The following CABCOCO1 variants were observed in gnomAD, a reference collection of about 807,000 sequenced individuals.
CABCOCO1 encodes ciliary-associated calcium-binding coiled-coil protein 1.
Under a neutral mutation model 35.7 loss-of-function variants are expected in CABCOCO1, and 28 were observed. The observed-to-expected ratio is 0.78, with a 90% confidence interval of 0.58 to 1.07. The LOEUF (loss-of-function observed/expected upper bound fraction) is 1.07, where lower values mean the gene tolerates loss of function less well. CABCOCO1 is among the 50% of genes least tolerant of loss of function. The pLI is 0.00. For missense variants in CABCOCO1, 326 were observed against 309.2 expected, an observed-to-expected ratio of 1.05 and a Z score of -0.41; for synonymous variants, 95 against 100.1, an observed-to-expected ratio of 0.95 and a Z score of 0.30.
intron 5 of CABCOCO1, among the ~76,000 whole-genome samples, chr10:61,750,876 C>T (rs925031060): frequency 4.6e-5 from 7 of 152,170 alleles, no homozygotes; most frequent in African/African-American, 1.4e-4. Flanking sequence ...TGTATAAAGG[C>T]CTGAGCTAGG....
rs1841995043 is a variant in CABCOCO1 at position 61,760,882 on chromosome 10, G to T, written c.695G>T (p.Gly232Val). Residue 232 changes from glycine (G) to valine (V), a missense_variant, in exon 7 of 8, where the codon GGC becomes GTC. By Grantham distance (109) the Gly-to-Val change is moderately radical. Coordinates refer to ENST00000648843, the MANE Select transcript of CABCOCO1 (RefSeq NM_001366906.2). ...TEMKRLDQEQ[G>V]PEESQPETDT... ...TTCTAGAGGTTGGATCAAGAACAAG[G>T]CCCTGAGGAGTCTCAGCCAGAAACT... 3.1e-6 allele frequency: 5 copies of T among 1,612,326 alleles called. No individual in the cohort carries two copies. The Admixed American group carries it at 6.7e-5, about 22-fold the overall frequency.
At chr10:61,691,145 C>A (rs1362509928) in intron 5 of CABCOCO1, among the ~76,000 whole-genome samples, 4 of 152,132 alleles carry the variant, frequency 2.6e-5, no homozygotes, top group Admixed American at 6.6e-5. Context: ...GCCAAATGAT[C>A]TCTTATTGCT....
chr10:61,739,906 C>T (rs61850507), intron 5 of CABCOCO1, among the ~76,000 whole-genome samples: 9,198 of 152,154 alleles, frequency 0.06, 623 homozygotes, highest in African/African-American at 0.17. Context: ...CGCACCACTG[C>T]GCTCCAGCCT....
intron 7 of CABCOCO1, among the ~76,000 whole-genome samples, chr10:61,764,299 C>A (rs1165008953): frequency 6.6e-6 from 1 of 152,034 alleles, no homozygotes; most frequent in Non-Finnish European, 1.5e-5. Context: ...CCATTTTAAT[C>A]CCTATGTGGT....
chr10:61,684,854 A>T (rs549984521), intron 3 of CABCOCO1: 8 of 152,368 alleles, frequency 5.3e-5, no homozygotes, highest in East Asian at 1.9e-4. Flanking sequence ...TTTATCTGTC[A>T]CAAGTAACAC....
chr10:61,730,152 T>C lies in CABCOCO1; in HGVS notation c.553-29907T>C, dbSNP rs540336723. On this transcript the variant is annotated intron_variant, in intron 5 of 7. Transcript: ENST00000648843. ...CTCTTAGCACCCAGCTCTTGGTTTC[T>C]AAATACCATTGTCCAATAAAAAAAA... Among the ~76,000 whole-genome samples, 10 of 135,038 alleles carry C rather than the reference T, an allele frequency of 7.4e-5. No homozygotes were observed. The East Asian group carries it at 1.8e-3, about 24-fold the overall frequency. 88.6% of individuals were successfully genotyped at this position (135,038 alleles called of 152,430 possible).
intron 4 of CABCOCO1, among the ~76,000 whole-genome samples, chr10:61,686,872 C>A (rs1839982104): frequency 6.6e-6 from 1 of 152,178 alleles, no homozygotes; most frequent in South Asian, 2.1e-4. Flanking sequence ...AGTCATGCAT[C>A]TCTCTAAAGG....
chr10:61,766,708 A>G lies in CABCOCO1; in HGVS notation c.*695A>G, dbSNP rs1394764382. On this transcript the variant is annotated 3_prime_UTR_variant, in exon 8 of 8. Transcript: ENST00000648843. ...AATGTATAAATGGTTATTAAAGACC[A>G]ACCTATATATAGATTGTAAAAATCT... The G allele has an allele frequency of 1.3e-5, 2 of 152,212 alleles. No individual in the cohort carries two copies. Among genetic ancestry groups the G allele is most frequent in the Non-Finnish European group, 2.9e-5 (2 of 68,036 alleles). 9.4% of individuals were successfully genotyped at this position (152,212 alleles called of 1,614,324 possible).
At chr10:61,749,277 C>T (rs926038614) in intron 5 of CABCOCO1, among the ~76,000 whole-genome samples, 1 of 152,146 alleles carries the variant, frequency 6.6e-6, no homozygotes, top group Non-Finnish European at 1.5e-5. Context: ...ATCCTCATTC[C>T]TCTATGTATT....
chr10:61,730,780 C>T (rs1341287204), intron 5 of CABCOCO1, among the ~76,000 whole-genome samples: 1 of 151,960 alleles, frequency 6.6e-6, no homozygotes, highest in Non-Finnish European at 1.5e-5. Flanking sequence ...ATTGTTTCCT[C>T]CTCATATACT....
rs1020392411 is a variant in CABCOCO1, at chr10:61,673,716, G to A, written c.164+981G>A. Among the ~76,000 whole-genome samples, 8 of 152,272 alleles carry A rather than the reference G, an allele frequency of 5.3e-5. No individual in the cohort carries two copies. In the South Asian group the frequency reaches 1.5e-3, roughly 28 times the overall value. On this transcript the variant is annotated intron_variant, in intron 2 of 7. Coordinates refer to ENST00000648843, the MANE Select transcript of CABCOCO1 (RefSeq NM_001366906.2). ...TTTTCCTGAGCTGCTCAGCTCTAGC[G>A]CTGGCAACCTCTGCTGGAAATTGAT...
At chr10:61,720,194 TG>T (rs1438560291) in intron 5 of CABCOCO1, among the ~76,000 whole-genome samples, 1 of 152,076 alleles carries the variant, frequency 6.6e-6, no homozygotes, top group East Asian at 1.9e-4. Flanking sequence ...CTCTGAGATG[TG>T]GTCTTACAAA....
chr10:61,698,803 A>G lies in CABCOCO1; in HGVS notation c.552+8182A>G, dbSNP rs116918434. ...TTCTTTCTTTAAACTATAAAGTTAT[A>G]GTGTCCTGAATAAACAAAATATGAG... On this transcript the variant is annotated intron_variant, in intron 5 of 7. Coordinates refer to ENST00000648843, the MANE Select transcript of CABCOCO1 (RefSeq NM_001366906.2). Among the ~76,000 whole-genome samples the G allele has an allele frequency of 3.0e-4, 45 of 152,294 alleles. No homozygotes were observed. The East Asian group carries it at 7.9e-3, about 27-fold the overall frequency.
intron 5 of CABCOCO1, among the ~76,000 whole-genome samples, chr10:61,750,061 C>A (rs982752053): frequency 6.6e-6 from 1 of 151,492 alleles, no homozygotes; most frequent in African/African-American, 2.4e-5. Flanking sequence ...CCAGTGGGTA[C>A]CTTTCACATT....
chr10:61,747,934 C>T (rs1466048685), intron 5 of CABCOCO1, among the ~76,000 whole-genome samples: 1 of 152,090 alleles, frequency 6.6e-6, no homozygotes, highest in Non-Finnish European at 1.5e-5. Flanking sequence ...GTTTTCCTGG[C>T]CAGAATAACT....
At chr10:61,759,979 T>C in intron 5 of CABCOCO1, 80 bp from the exon 6 acceptor site, 1 of 1,531,392 alleles carries the variant, frequency 6.5e-7, no homozygotes, top group Non-Finnish European at 8.9e-7. Flanking sequence ...GGAACTATGG[T>C]ACATATATAA....
In CABCOCO1 at chr10:61,676,337, G is replaced by A. The variant is rs538056545; in HGVS notation, c.164+3602G>A. ...CCAATGAGAAATTGTGATATAAGAA[G>A]CCTGGCAGTAAGTATGGATCATTTA... On this transcript the variant is annotated intron_variant, in intron 2 of 7. Transcript: ENST00000648843. Among the ~76,000 whole-genome samples, 221 of 152,252 alleles carry A rather than the reference G, an allele frequency of 1.5e-3. 1 individual carries two copies. The highest frequency in any genetic ancestry group is 5.2e-3 in the African/African-American group (215 of 41,550).
Position 61,662,942 on chromosome 10 carries a change from G to T in CABCOCO1, c.-31G>T. On this transcript the variant is annotated 5_prime_UTR_variant, in exon 1 of 8. In the 5' UTR this introduces an upstream ATG that the reference lacks. Transcript: ENST00000648843. ...CCCACCCCAGTTGCCTAGGTGACGA[G>T]GGGCCGCTTCTCTCGGCCGAGATTG... 2.6e-6 allele frequency: 1 copy of T among 391,648 alleles called. No homozygotes were observed. Among genetic ancestry groups the T allele is most frequent in the Non-Finnish European group, 5.3e-6 (1 of 187,028 alleles). The allele number at this position is 391,648 out of a possible 1,614,324, so 24.3% of individuals were successfully genotyped here.
Position 61,686,254 on chromosome 10 carries a change from AG to A in CABCOCO1, c.479+70del, listed in dbSNP as rs544518801. 2,065 of 1,345,990 alleles carry A rather than the reference AG, an allele frequency of 1.5e-3. 1 individual carries two copies. Among genetic ancestry groups the A allele is most frequent in the Middle Eastern group, 3.7e-3 (15 of 4,078 alleles). 83.4% of individuals were successfully genotyped at this position (1,345,990 alleles called of 1,614,324 possible). Reference sequence around the variant, plus strand: ...TCTGGAAAATGTCTGTTAAGTAAAAAGTAATTCAGTTTTTAGCAGATTCAGA... The same window carrying A: ...TCTGGAAAATGTCTGTTAAGTAAAAATAATTCAGTTTTTAGCAGATTCAGA... On this transcript the variant is annotated intron_variant, in intron 4 of 7. Coordinates refer to ENST00000648843, the MANE Select transcript of CABCOCO1 (RefSeq NM_001366906.2).
Sources: allele counts gnomAD v4.1 joint callset (sites outside exome capture counted in the v4.1 genomes callset), GRCh38; gene constraint gnomAD v4.1.1; transcripts MANE v1.5; gene names NCBI Gene and HGNC (gene_info 2026-07-23, HGNC 2026-07-21).